Variants in GBF1 observed in about 807,000 individuals in gnomAD.
The protein encoded by GBF1 is Golgi-specific brefeldin A-resistance guanine nucleotide exchange factor 1.
Under a neutral mutation model 210.5 loss-of-function variants are expected in GBF1, and 114 were observed. The observed-to-expected ratio is 0.54, with a 90% CI of 0.47 to 0.63. The LOEUF (loss-of-function observed/expected upper bound fraction) is 0.63. GBF1 is among the 30% of genes least tolerant of loss of function. The pLI, the probability that GBF1 is intolerant of heterozygous loss-of-function variation, is 0.00. For synonymous variants in GBF1, 850 were observed against 889.2 expected, an observed-to-expected ratio of 0.96 and a Z score of 0.78; for missense variants, 1,851 against 2,357.7, an observed-to-expected ratio of 0.79 and a Z score of 4.45.
intron 8 of GBF1, among the ~76,000 whole-genome samples, chr10:102,356,085 G>T (rs2059272555): frequency 6.6e-6 from 1 of 152,194 alleles, no homozygotes; most frequent in South Asian, 2.1e-4. Context: ...AGAGCTGGGG[G>T]AAGGAAGGGC....
chr10:102,333,925 C>A (rs1269510066), intron 3 of GBF1, among the ~76,000 whole-genome samples: 1 of 152,162 alleles, frequency 6.6e-6, no homozygotes, highest in Non-Finnish European at 1.5e-5. Context: ...TGTACAGATA[C>A]AGACAGAAAA....
chr10:102,264,778 G>A (rs1018546993), intron 3 of GBF1, among the ~76,000 whole-genome samples: 1 of 152,248 alleles, frequency 6.6e-6, no homozygotes, highest in African/African-American at 2.4e-5. Flanking sequence ...CAATGTAAAT[G>A]TTAGGCATGT....
At chr10:102,274,944 T>A (rs532934400) in intron 3 of GBF1, among the ~76,000 whole-genome samples, 4 of 151,524 alleles carry the variant, frequency 2.6e-5, no homozygotes, top group Non-Finnish European at 5.9e-5. Context: ...ACTCCCAACC[T>A]CAGGTGATCT....
At chr10:102,344,626 G>A (rs751407429) in intron 4 of GBF1, among the ~76,000 whole-genome samples, 5 of 151,818 alleles carry the variant, frequency 3.3e-5, no homozygotes, top group East Asian at 1.9e-4. Flanking sequence ...GACTACAGGC[G>A]CCCACCACCA....
At chr10:102,261,352 G>C (rs17094517) in intron 3 of GBF1, among the ~76,000 whole-genome samples, 7,763 of 152,196 alleles carry the variant, frequency 0.051, 412 homozygotes, top group African/African-American at 0.14. Context: ...GATACAGACT[G>C]AAAGGGACAG....
At chr10:102,241,519 A>C (rs565922695), upstream of GBF1, 8 of 152,204 alleles carry the variant, frequency 5.3e-5, no homozygotes, top group East Asian at 1.4e-3. This position sits in a 1 kb window ranked among gnomAD's most constrained non-coding sequence, Gnocchi z 6.7. Context: ...TGCCACCCCC[A>C]GCCGGCGCCC....
At chr10:102,231,992 T>C in the GBF1 span, 1 of 1,610,836 alleles carries the variant, frequency 6.2e-7, no homozygotes, top group Non-Finnish European at 8.5e-7. Context: ...GCAGCCGTGC[T>C]CTGGGAGCTG....
intron 23 of GBF1, 69 bp downstream of exon 23, chr10:102,368,901 C>A: frequency 9.3e-7 from 1 of 1,074,386 alleles, no homozygotes; most frequent in South Asian, 1.3e-5. Context: ...ATGGATCTAC[C>A]CTTATCAACA....
At chr10:102,247,286 G>A (rs189664771) in intron 1 of GBF1, among the ~76,000 whole-genome samples, 24 of 152,148 alleles carry the variant, frequency 1.6e-4, no homozygotes, top group Admixed American at 5.2e-4. Context: ...TGAAATTTTT[G>A]TGTGTGTTGG....
chr10:102,236,254 G>A, the GBF1 span, among the ~76,000 whole-genome samples: 1 of 152,178 alleles, frequency 6.6e-6, no homozygotes, highest in Non-Finnish European at 1.5e-5. Context: ...CAGGGACTTC[G>A]CCTCACTCAG....
chr10:102,372,295 C>T (rs1302507828), intron 29 of GBF1, among the ~76,000 whole-genome samples: 1 of 151,614 alleles, frequency 6.6e-6, no homozygotes, highest in Non-Finnish European at 1.5e-5. Context: ...GGCAGGCAAT[C>T]ACCTGAGGTT....
At chr10:102,303,346 C>T (rs962696394) in intron 3 of GBF1, among the ~76,000 whole-genome samples, 3 of 152,090 alleles carry the variant, frequency 2.0e-5, no homozygotes, top group African/African-American at 4.8e-5. Context: ...ATGTGGGTAT[C>T]GAGTTGTCCC....
intron 4 of GBF1, among the ~76,000 whole-genome samples, chr10:102,346,600 C>T (rs765877578): frequency 7.9e-5 from 12 of 152,198 alleles, no homozygotes; most frequent in Non-Finnish European, 1.5e-4. Flanking sequence ...CCTTGACCTT[C>T]GGGCTCAGGT....
chr10:102,301,339 T>C (rs189387982), intron 3 of GBF1, among the ~76,000 whole-genome samples: 300 of 152,356 alleles, frequency 2.0e-3, no homozygotes, highest in African/African-American at 6.9e-3. Flanking sequence ...AGAAGAATTT[T>C]TCTTAGTACA....
At chr10:102,310,758 A>G (rs1210321807) in intron 3 of GBF1, among the ~76,000 whole-genome samples, 1 of 152,254 alleles carries the variant, frequency 6.6e-6, no homozygotes, top group Non-Finnish European at 1.5e-5. Context: ...CAAAGAGGCC[A>G]TGTTGCTCTT....
At position 102,366,946 on chromosome 10, in the gene GBF1, C is replaced by G. The variant is rs2059948258; in HGVS notation, c.2434-139C>G. The G allele has an allele frequency of 3.5e-6, 3 of 859,748 alleles. No homozygotes were observed. The highest frequency in any genetic ancestry group is 1.8e-6 in the Non-Finnish European group (1 of 543,014). The allele number at this position is 859,748 out of a possible 1,614,324, so 53.3% of individuals were successfully genotyped here. A position where few individuals can be genotyped will look rare whatever the true frequency, so the allele number is the denominator to read the frequency against. ...GACCTTTCCACAAAGAGATCAGCTT[C>G]TGTTAAGGAGTTGGCAAGAGACTGG... is the stretch of plus-strand genomic sequence containing the variant. On this transcript the variant is annotated intron_variant, in intron 19 of 39. Coordinates refer to ENST00000369983, the MANE Select transcript of GBF1 (RefSeq NM_001377137.1). This position sits in a 1 kb window ranked among gnomAD's most constrained non-coding sequence, Gnocchi z 4.0.
chr10:102,351,241 T>C lies in GBF1; in HGVS notation c.296-15T>C. 7.2e-7 allele frequency: 1 copy of C among 1,385,116 alleles called. No homozygotes were observed. The highest frequency in any genetic ancestry group is 1.0e-6 in the Non-Finnish European group (1 of 970,980). 85.8% of individuals were successfully genotyped at this position (1,385,116 alleles called of 1,614,324 possible). A position where few individuals can be genotyped will look rare whatever the true frequency, so the allele number is the denominator to read the frequency against. On this transcript the variant is annotated splice_polypyrimidine_tract_variant and intron_variant, in intron 4 of 39. Coordinates refer to ENST00000369983, the MANE Select transcript of GBF1 (RefSeq NM_001377137.1). Reference sequence around the variant, plus strand: ...CTCTCCACATCACTTAATCTTTCCTTTTTCGCTGGAGCAGATCCCACCCAT... The same window carrying C: ...CTCTCCACATCACTTAATCTTTCCTCTTTCGCTGGAGCAGATCCCACCCAT...
intron 29 of GBF1, among the ~76,000 whole-genome samples, chr10:102,375,014 GA>G (rs1005489072): frequency 4.1e-5 from 6 of 147,268 alleles, no homozygotes; most frequent in East Asian, 4.0e-4. Flanking sequence ...TTCCAAAAAA[GA>G]AAAAAAAAAT....
chr10:102,358,391 A>G (rs929688096), intron 9 of GBF1, 115 bp from the exon 10 acceptor site: 5 of 816,762 alleles, frequency 6.1e-6, no homozygotes, highest in African/African-American at 5.1e-5. Flanking sequence ...TTAGAGACCA[A>G]TATATGCAAA....
Sources: gnomAD v4.1 joint callset for allele counts (sites outside exome capture counted in the v4.1 genomes callset) on GRCh38, gnomAD v4.1.1 for gene constraint, Gnocchi (gnomAD v3.1) non-coding constraint, MANE v1.5 for transcripts, NCBI Gene and HGNC (gene_info 2026-07-23, HGNC 2026-07-21) for gene names.